NPLOC4: variants seen among roughly 807,000 people sequenced by gnomAD.
NPLOC4 encodes the protein NPL4 homolog, ubiquitin recognition factor, also known as nuclear protein localization protein 4 homolog.
In NPLOC4, 18 loss-of-function variants were observed where a neutral mutation model predicts 80.6. The ratio of observed to expected loss-of-function variants is 0.22; its 90% CI spans 0.15 to 0.33. NPLOC4 has a LOEUF of 0.33. Ranked by LOEUF, NPLOC4 falls within the 10% of genes least tolerant of loss-of-function variation. The pLI, the probability that NPLOC4 is intolerant of heterozygous loss-of-function variation, is 1.00. For missense variants in NPLOC4, 540 were observed against 786.1 expected (o/e 0.69, Z 3.74); for synonymous variants, 313 against 301.5 (o/e 1.04, Z -0.39).
chr17:81,583,970 C>T (rs2034509386), intron 12 of NPLOC4, among the ~76,000 whole-genome samples: 1 of 152,186 alleles, frequency 6.6e-6, no homozygotes, highest in Admixed American at 6.5e-5. Context: ...AAATAATTTG[C>T]AAACACATAC....
rs999661024 is a variant in NPLOC4, at chr17:81,580,195, G to A, written c.1282-8107C>T. ...CTCAAGCACCACCCCAACACCATCTGTACCATGTGCCTCTCCCAAGCAATG... is the reference window on the plus strand; with the variant it reads ...CTCAAGCACCACCCCAACACCATCTATACCATGTGCCTCTCCCAAGCAATG... On this transcript the variant is annotated intron_variant, in intron 12 of 16. Transcript: ENST00000331134. The surrounding 1 kb of genome is among the most constrained non-coding windows in gnomAD (Gnocchi z 4.4). Among the ~76,000 whole-genome samples the A allele has an allele frequency of 3.3e-5, 5 of 152,110 alleles. No homozygotes were observed. Among genetic ancestry groups the A allele is most frequent in the African/African-American group, 1.2e-4 (5 of 41,402 alleles).
intron 13 of NPLOC4, 97 bp from the exon 14 acceptor site, chr17:81,569,208 G>A (rs1165446038): frequency 1.5e-5 from 11 of 729,828 alleles, no homozygotes; most frequent in Admixed American, 9.2e-5. Context: ...CCAAATTAAC[G>A]ACTCCTAGCA....
chr17:81,596,711 G>A (rs1004154183), intron 10 of NPLOC4, among the ~76,000 whole-genome samples: 2 of 152,148 alleles, frequency 1.3e-5, no homozygotes, highest in African/African-American at 2.4e-5. Flanking sequence ...AAACCACCCC[G>A]CCATGGGCTG....
chr17:81,637,078 G>A lies in NPLOC4; in HGVS notation c.-148C>T, dbSNP rs146146597. 51,115 of 385,078 alleles carry A rather than the reference G, an allele frequency of 0.13. 3,845 individuals are homozygous for A. Among genetic ancestry groups the A allele is most frequent in the Middle Eastern group, 0.2 (268 of 1,356 alleles). The allele number at this position is 385,078 out of a possible 1,614,324, so 23.9% of individuals were successfully genotyped here. ...GCTCCAGCTTCGCCCGCCCGGCTCC[G>A]CCAGCCGCCGACGTCCCGGTGCCTC... On this transcript the variant is annotated 5_prime_UTR_variant, in exon 1 of 17. Transcript: ENST00000331134.
chr17:81,624,869 C>T (rs774943073), intron 2 of NPLOC4, among the ~76,000 whole-genome samples: 3 of 152,084 alleles, frequency 2.0e-5, no homozygotes, highest in Non-Finnish European at 4.4e-5. Flanking sequence ...GTTGGAAACA[C>T]GGAGGCCAGA....
In NPLOC4 at chr17:81,577,281, C is replaced by T. The variant is rs1270649918; in HGVS notation, c.1282-5193G>A. Reference sequence around the variant, plus strand: ...CCAGACTGCCTGTCCGCACAGCTCTCCAGACAGAGGACCCCAGCACTGTCC... The same window carrying T: ...CCAGACTGCCTGTCCGCACAGCTCTTCAGACAGAGGACCCCAGCACTGTCC... On this transcript the variant is annotated intron_variant, in intron 12 of 16. Transcript: ENST00000331134. This position sits in a 1 kb window ranked among gnomAD's most constrained non-coding sequence, Gnocchi z 4.3. Among the ~76,000 whole-genome samples the T allele has an allele frequency of 1.3e-5, 2 of 152,066 alleles. No individual in the cohort carries two copies.
intron 16 of NPLOC4, among the ~76,000 whole-genome samples, chr17:81,560,065 C>G (rs1266595819): frequency 3.3e-5 from 5 of 151,842 alleles, no homozygotes; most frequent in African/African-American, 1.2e-4. Flanking sequence ...AACAAAGTTG[C>G]CAGGATCATT....
At chr17:81,578,179 G>A (rs2034350765) in intron 12 of NPLOC4, among the ~76,000 whole-genome samples, 1 of 152,144 alleles carries the variant, frequency 6.6e-6, no homozygotes, top group South Asian at 2.1e-4. Flanking sequence ...CTTTCCATAA[G>A]TCTTTCCATG....
intron 7 of NPLOC4, 54 bp from the exon 8 acceptor site, chr17:81,604,781 C>T: frequency 6.9e-6 from 10 of 1,458,614 alleles, no homozygotes; most frequent in Non-Finnish European, 8.4e-6. Context: ...AAAGAAATCA[C>T]TTGTTTTTCT....
rs1006398691 is a variant in NPLOC4 at position 81,572,984 on chromosome 17, T to C, written c.1282-896A>G. On this transcript the variant is annotated intron_variant, in intron 12 of 16. Coordinates refer to ENST00000331134, the MANE Select transcript of NPLOC4 (RefSeq NM_017921.4). The surrounding 1 kb of genome is among the most constrained non-coding windows in gnomAD (Gnocchi z 4.5). The stretch of plus-strand genomic sequence containing the variant: ...TTTGCTTTGTCAGATGCACAGAACA[T>C]AAAGTTTAATTATGGGGAAAAACGG... Among the ~76,000 whole-genome samples the C allele has an allele frequency of 2.6e-5, 4 of 152,098 alleles. No individual in the cohort carries two copies. Among genetic ancestry groups the C allele is most frequent in the East Asian group, 1.9e-4 (1 of 5,194 alleles).
At position 81,608,830 on chromosome 17, in the gene NPLOC4, GAC is replaced by G. The variant is rs765478388; in HGVS notation, c.436-10_436-9del. On this transcript the variant is annotated splice_polypyrimidine_tract_variant and intron_variant, in intron 5 of 16. Transcript: ENST00000331134. Reference sequence around the variant, plus strand: ...ATAGTCCTCATCGAATGGCTGCCAAGACACAGAGTAAGCGAGTGCAGTCTCAC... The same window carrying G: ...ATAGTCCTCATCGAATGGCTGCCAAGACAGAGTAAGCGAGTGCAGTCTCAC... 3.2e-6 allele frequency: 5 copies of G among 1,569,746 alleles called. No homozygotes were observed. The highest frequency in any genetic ancestry group is 2.7e-5 in the African/African-American group (2 of 73,928).
intron 8 of NPLOC4, among the ~76,000 whole-genome samples, chr17:81,602,969 A>G (rs907709454): frequency 4.2e-5 from 5 of 119,062 alleles, no homozygotes; most frequent in African/African-American, 1.7e-4. Flanking sequence ...ACACACATAT[A>G]TATACACAAA....
chr17:81,605,960 A>G (rs2035192878), intron 7 of NPLOC4, among the ~76,000 whole-genome samples: 1 of 151,466 alleles, frequency 6.6e-6, no homozygotes, highest in South Asian at 2.1e-4. Context: ...AACTGGGACG[A>G]CAGGCGCCCA....
intron 16 of NPLOC4, chr17:81,564,990 G>A: frequency 2.8e-6 from 1 of 352,628 alleles, no homozygotes; most frequent in Non-Finnish European, 5.2e-6. Context: ...CTGACAGAAG[G>A]TTCTCACGAG....
intron 8 of NPLOC4, among the ~76,000 whole-genome samples, chr17:81,604,290 C>A (rs60365534): frequency 6.6e-6 from 1 of 152,068 alleles, no homozygotes; most frequent in Admixed American, 6.6e-5. Flanking sequence ...ACACAGCAGA[C>A]GAGATAAAAA....
chr17:81,594,337 A>G (rs2034836852), intron 11 of NPLOC4, among the ~76,000 whole-genome samples: 1 of 151,040 alleles, frequency 6.6e-6, no homozygotes, highest in Non-Finnish European at 1.5e-5. Context: ...AAAATAGTTA[A>G]CATGTATTAA....
At chr17:81,597,743 A>G (rs1387607923) in intron 9 of NPLOC4, among the ~76,000 whole-genome samples, 1 of 142,894 alleles carries the variant, frequency 7.0e-6, no homozygotes, top group Non-Finnish European at 1.5e-5. Context: ...GGATCGCGCC[A>G]TTGCACTCCA....
chr17:81,569,147 G>T, intron 13 of NPLOC4, 36 bp from the exon 14 acceptor site: 1 of 1,450,614 alleles, frequency 6.9e-7, no homozygotes, highest in Non-Finnish European at 9.7e-7. Context: ...GATAAATGAG[G>T]CTGAAAATGG....
At chr17:81,590,806 A>C (rs545964804) in intron 11 of NPLOC4, among the ~76,000 whole-genome samples, 22 of 152,346 alleles carry the variant, frequency 1.4e-4, no homozygotes, top group Middle Eastern at 3.4e-3. Context: ...CAATCAAAAA[A>C]GGTGAGGGAG....
Sources: allele counts gnomAD v4.1 joint callset (sites outside exome capture counted in the v4.1 genomes callset), GRCh38; gene constraint gnomAD v4.1.1; non-coding constraint Gnocchi (gnomAD v3.1); transcripts MANE v1.5; gene names NCBI Gene and HGNC (gene_info 2026-07-23, HGNC 2026-07-21).